OTUD7A: variants seen among roughly 807,000 people sequenced by gnomAD.
OTUD7A encodes OTU deubiquitinase 7A.
In OTUD7A, 12 loss-of-function variants were observed where a neutral mutation model predicts 65.7. The observed-to-expected ratio is 0.18, with a 90% CI of 0.12 to 0.30. The LOEUF (loss-of-function observed/expected upper bound fraction) is 0.30. Among genes scored for constraint, OTUD7A ranks in the 10% least tolerant of loss-of-function variants. OTUD7A has a pLI of 1.00. For synonymous variants in OTUD7A, 641 were observed against 586.3 expected (o/e 1.09, Z -1.35); for missense variants, 1,148 against 1,304.8 (o/e 0.88, Z 1.85).
chr15:31,716,211 C>A, intron 1 of OTUD7A, among the ~76,000 whole-genome samples: 1 of 35,202 alleles, frequency 2.8e-5, no homozygotes, highest in South Asian at 3.9e-3. Context: ...ATACATATAA[C>A]ATAATACACA....
chr15:31,860,526 T>C (rs1016299856), intron 1 of OTUD7A, among the ~76,000 whole-genome samples: 4 of 150,914 alleles, frequency 2.7e-5, no homozygotes, highest in Non-Finnish European at 5.9e-5. Context: ...CCTCAAGGGC[T>C]TAAGAGTCAA....
intron 1 of OTUD7A, among the ~76,000 whole-genome samples, chr15:31,735,393 T>C (rs1894160089): frequency 6.6e-6 from 1 of 152,050 alleles, no homozygotes; most frequent in African/African-American, 2.4e-5. Context: ...TTGGGTGTGG[T>C]GGCACACGCC....
At chr15:31,524,483 G>A (rs1398698777) in intron 8 of OTUD7A, among the ~76,000 whole-genome samples, 2 of 152,100 alleles carry the variant, frequency 1.3e-5, no homozygotes, top group Admixed American at 6.5e-5. Context: ...AGTTTGAAAG[G>A]AGGGGAGAGA....
intron 1 of OTUD7A, among the ~76,000 whole-genome samples, chr15:31,819,911 G>C (rs1322064730): frequency 6.6e-6 from 1 of 152,076 alleles, no homozygotes; most frequent in Non-Finnish European, 1.5e-5. Flanking sequence ...TGATTATGGA[G>C]TAGGTATACA....
At chr15:31,698,169 G>T (rs561666788) in intron 1 of OTUD7A, among the ~76,000 whole-genome samples, 113 of 152,348 alleles carry the variant, frequency 7.4e-4, no homozygotes, top group African/African-American at 2.7e-3. Flanking sequence ...TTCAAACTAG[G>T]AATGGAAACA....
At chr15:31,839,922 T>C (rs1302726769) in intron 1 of OTUD7A, among the ~76,000 whole-genome samples, 5 of 148,946 alleles carry the variant, frequency 3.4e-5, no homozygotes, top group African/African-American at 7.5e-5. Flanking sequence ...TAAATGATAT[T>C]TTGGAAGTTG....
At chr15:31,678,025 T>G (rs1892631366) in intron 1 of OTUD7A, among the ~76,000 whole-genome samples, 2 of 152,214 alleles carry the variant, frequency 1.3e-5, no homozygotes, top group African/African-American at 2.4e-5. Flanking sequence ...GAGGAACTTG[T>G]TGGGAACTGG....
chr15:31,670,497 A>C (rs1310947415), intron 1 of OTUD7A, among the ~76,000 whole-genome samples: 1 of 152,182 alleles, frequency 6.6e-6, no homozygotes, highest in Admixed American at 6.5e-5. Context: ...ATGGTATCTC[A>C]TTGCAGTTTT....
chr15:31,546,480 T>G (rs1888134157), intron 5 of OTUD7A, among the ~76,000 whole-genome samples: 1 of 152,138 alleles, frequency 6.6e-6, no homozygotes, highest in Non-Finnish European at 1.5e-5. Context: ...TCTAGAGAGC[T>G]TCAACTCTCA....
At chr15:31,809,861 T>C (rs967251548) in intron 1 of OTUD7A, among the ~76,000 whole-genome samples, 8 of 152,216 alleles carry the variant, frequency 5.3e-5, no homozygotes, top group African/African-American at 1.4e-4. Flanking sequence ...GATTCAGTGA[T>C]AACAGCTACA....
chr15:31,722,669 T>G lies in OTUD7A; in HGVS notation c.-99-65592A>C, dbSNP rs547608354. 1.4e-4 allele frequency among the ~76,000 whole-genome samples: 21 copies of G among 152,052 alleles called. No individual in the cohort carries two copies. In the East Asian group the frequency reaches 3.9e-3, roughly 28 times the overall value. ...CAGGGAGTGACCAGAGCCAGCAGAG[T>G]TGCCACCACCCAGGGCCCAGGAGGA... On this transcript the variant is annotated intron_variant, in intron 1 of 12. Transcript: ENST00000307050.
intron 1 of OTUD7A, among the ~76,000 whole-genome samples, chr15:31,797,345 T>C (rs755898897): frequency 1.5e-4 from 23 of 152,228 alleles, no homozygotes; most frequent in Non-Finnish European, 2.9e-4. Flanking sequence ...GGGACCTTCC[T>C]TCTTTAGGTT....
intron 3 of OTUD7A, among the ~76,000 whole-genome samples, chr15:31,574,997 A>G (rs2141177348): frequency 6.6e-6 from 1 of 152,184 alleles, no homozygotes; most frequent in South Asian, 2.1e-4. Flanking sequence ...AATCCTTCCC[A>G]TGGAAACTGC....
At chr15:31,777,523 A>T (rs1474042529) in intron 1 of OTUD7A, among the ~76,000 whole-genome samples, 1 of 8,492 alleles carries the variant, frequency 1.2e-4, no homozygotes, top group East Asian at 0.12. Context: ...GATGGACAGA[A>T]AATGGAGGGG....
intron 2 of OTUD7A, among the ~76,000 whole-genome samples, chr15:31,655,692 T>C (rs1342622933): frequency 6.6e-6 from 1 of 152,220 alleles, no homozygotes; most frequent in Non-Finnish European, 1.5e-5. Flanking sequence ...CAAGCTATTG[T>C]ATTTTGACAT....
At chr15:31,545,847 T>C (rs1888114490) in intron 5 of OTUD7A, among the ~76,000 whole-genome samples, 1 of 152,208 alleles carries the variant, frequency 6.6e-6, no homozygotes, top group African/African-American at 2.4e-5. Flanking sequence ...GTAAATCCTA[T>C]GATCCAGCAA....
At chr15:31,854,164 T>C (rs1238929938) in intron 1 of OTUD7A, among the ~76,000 whole-genome samples, 1 of 152,182 alleles carries the variant, frequency 6.6e-6, no homozygotes. Flanking sequence ...GAGGATCTGC[T>C]CCTTGTCTTT....
chr15:31,668,803 C>T (rs1407802806), intron 1 of OTUD7A, among the ~76,000 whole-genome samples: 1 of 152,202 alleles, frequency 6.6e-6, no homozygotes, highest in Non-Finnish European at 1.5e-5. Flanking sequence ...AGGTCTAGGG[C>T]TGCAGGCTGT....
At chr15:31,790,367 G>A (rs1895782723) in intron 1 of OTUD7A, among the ~76,000 whole-genome samples, 1 of 152,254 alleles carries the variant, frequency 6.6e-6, no homozygotes, top group Admixed American at 6.5e-5. Flanking sequence ...GAGAACGTCT[G>A]CCCTGATGTA....
Sources: gnomAD v4.1 joint callset for allele counts (sites outside exome capture counted in the v4.1 genomes callset) on GRCh38, gnomAD v4.1.1 for gene constraint, MANE v1.5 for transcripts, NCBI Gene and HGNC (gene_info 2026-07-23, HGNC 2026-07-21) for gene names.